Variants in PRELID2 observed in about 807,000 individuals in gnomAD.
PRELID2 encodes the protein PRELI domain-containing protein 2.
A neutral mutation model predicts 28.4 loss-of-function variants in PRELID2; 25 were observed. That is an observed-to-expected ratio of 0.88 (90% CI 0.64 to 1.23). PRELID2 has a LOEUF of 1.23. Among genes scored for constraint, PRELID2 ranks in the 50% most tolerant of loss-of-function variants. PRELID2 has a pLI of 0.00. For missense variants in PRELID2, 201 were observed against 214.4 expected (o/e 0.94, Z 0.39); for synonymous variants, 76 against 71.6 (o/e 1.06, Z -0.31).
intron 1 of PRELID2, among the ~76,000 whole-genome samples, chr5:145,833,668 CCT>C (rs1361291918): frequency 2.6e-5 from 4 of 152,230 alleles, no homozygotes; most frequent in Non-Finnish European, 4.4e-5. Context: ...CCTCCTCACT[CCT>C]CTGTGACCAG....
chr5:145,470,685 A>C (rs1752046538), downstream of PRELID2, among the ~76,000 whole-genome samples: 1 of 152,148 alleles, frequency 6.6e-6, no homozygotes, highest in African/African-American at 2.4e-5. Context: ...TTAGCATGAT[A>C]TGAATGACAG....
the PRELID2 span, among the ~76,000 whole-genome samples, chr5:145,402,097 G>T: frequency 6.6e-6 from 1 of 152,266 alleles, no homozygotes; most frequent in African/African-American, 2.4e-5. Context: ...AAAAACAGAA[G>T]AGTTTACAAA....
chr5:145,814,449 A>G (rs1477175906), intron 4 of PRELID2, among the ~76,000 whole-genome samples: 1 of 152,140 alleles, frequency 6.6e-6, no homozygotes, highest in Non-Finnish European at 1.5e-5. Context: ...ACTAAGAAAG[A>G]AAAACTAGCG....
chr5:145,689,729 AG>A (rs1755107416), intron 1 of PRELID2, among the ~76,000 whole-genome samples: 1 of 152,166 alleles, frequency 6.6e-6, no homozygotes, highest in African/African-American at 2.4e-5. Context: ...TCAGAATAAG[AG>A]GGAGGAATCT....
chr5:145,783,427 G>A (rs1751764220), intron 5 of PRELID2, among the ~76,000 whole-genome samples: 1 of 152,184 alleles, frequency 6.6e-6, no homozygotes, highest in Non-Finnish European at 1.5e-5. Context: ...AAACTCTAGA[G>A]GTAATAGTAG....
intron 1 of PRELID2, among the ~76,000 whole-genome samples, chr5:145,683,839 G>A (rs1463336956): frequency 1.3e-5 from 2 of 152,166 alleles, no homozygotes; most frequent in African/African-American, 2.4e-5. Flanking sequence ...TCACTGGCCA[G>A]TAGAACGAGC....
intron 1 of PRELID2, among the ~76,000 whole-genome samples, chr5:145,601,763 C>T (rs1234707541): frequency 6.6e-6 from 1 of 152,044 alleles, no homozygotes; most frequent in African/African-American, 2.4e-5. Flanking sequence ...CTTTGAGTTT[C>T]CTAAGGCAAG....
intron 1 of PRELID2, among the ~76,000 whole-genome samples, chr5:145,577,583 G>GA (rs559510416): frequency 6.6e-6 from 1 of 151,746 alleles, no homozygotes. Context: ...GAAAAGGAAT[G>GA]AAAAAATCTT....
At chr5:145,442,114 A>C in the PRELID2 span, among the ~76,000 whole-genome samples, 6 of 152,084 alleles carry the variant, frequency 3.9e-5, no homozygotes. Context: ...TATATCCCAA[A>C]GACTTCATAT....
the PRELID2 span, among the ~76,000 whole-genome samples, chr5:145,286,151 A>G: frequency 6.6e-6 from 1 of 152,292 alleles, no homozygotes; most frequent in East Asian, 1.9e-4. Context: ...CATCTCCACC[A>G]CAACCCAGTG....
chr5:145,245,313 G>A, the PRELID2 span, among the ~76,000 whole-genome samples: 2 of 151,956 alleles, frequency 1.3e-5, no homozygotes, highest in Non-Finnish European at 2.9e-5. Flanking sequence ...AAAAAATAAA[G>A]TGCAATGAAG....
chr5:145,674,211 G>T (rs1338404774), intron 1 of PRELID2, among the ~76,000 whole-genome samples: 1 of 152,126 alleles, frequency 6.6e-6, no homozygotes, highest in Non-Finnish European at 1.5e-5. Flanking sequence ...CGCACAACGT[G>T]CAGGTTTGTT....
intron 1 of PRELID2, among the ~76,000 whole-genome samples, chr5:145,474,451 T>G (rs1050188770): frequency 6.6e-6 from 1 of 152,202 alleles, no homozygotes; most frequent in African/African-American, 2.4e-5. Context: ...GGGAGATTTA[T>G]CAGGCCTTGG....
chr5:145,803,927 GCCTCCCAACTT>G (rs913411716), intron 4 of PRELID2, among the ~76,000 whole-genome samples: 3 of 151,892 alleles, frequency 2.0e-5, no homozygotes, highest in African/African-American at 7.3e-5. Context: ...TGGAACAGAA[GCCTCCCAACTT>G]CCCAGACTCC....
At chr5:145,351,572 C>T in the PRELID2 span, among the ~76,000 whole-genome samples, 2 of 152,084 alleles carry the variant, frequency 1.3e-5, no homozygotes, top group Non-Finnish European at 2.9e-5. Flanking sequence ...AGGGATACAG[C>T]CAAACCACAT....
intron 1 of PRELID2, among the ~76,000 whole-genome samples, chr5:145,747,646 A>AAGGAAGGACTACTCCCT (rs1554088863): frequency 1.8e-4 from 28 of 151,982 alleles, no homozygotes; most frequent in Non-Finnish European, 2.9e-5. Flanking sequence ...AAACAATAAA[A>AAGGAAGGACTACTCCCT]AACACATTTC....
intron 1 of PRELID2, among the ~76,000 whole-genome samples, chr5:145,645,289 T>C (rs1004317036): frequency 6.6e-6 from 1 of 151,976 alleles, no homozygotes; most frequent in Non-Finnish European, 1.5e-5. Context: ...TCTCTTGATC[T>C]TTGTTGGTTT....
the PRELID2 span, among the ~76,000 whole-genome samples, chr5:145,392,682 A>G: frequency 6.6e-6 from 1 of 152,068 alleles, no homozygotes; most frequent in African/African-American, 2.4e-5. Context: ...AGAAAGAAAG[A>G]GAGAGGGAGG....
intron 1 of PRELID2, among the ~76,000 whole-genome samples, chr5:145,745,574 G>A (rs1004008619): frequency 1.3e-5 from 2 of 152,260 alleles, no homozygotes; most frequent in African/African-American, 4.8e-5. Flanking sequence ...CTAAAGAAAA[G>A]AATTGGGCCA....
Sources: allele counts gnomAD v4.1 joint callset (sites outside exome capture counted in the v4.1 genomes callset), GRCh38; gene constraint gnomAD v4.1.1; transcripts MANE v1.5; gene names NCBI Gene and HGNC (gene_info 2026-07-23, HGNC 2026-07-21).